Variants in PBX3 observed in about 807,000 individuals in gnomAD.
The protein encoded by PBX3 is pre-B-cell leukemia transcription factor 3.
A neutral mutation model predicts 48.5 loss-of-function variants in PBX3; 14 were observed. The ratio of observed to expected loss-of-function variants is 0.29; its 90% CI spans 0.19 to 0.45. PBX3 has a LOEUF of 0.45. PBX3 is among the 20% of genes least tolerant of loss of function. PBX3 has a pLI of 1.00. For missense variants in PBX3, 386 were observed against 546.7 expected, an observed-to-expected ratio of 0.71 and a Z score of 2.93; for synonymous variants, 210 against 200.3, an observed-to-expected ratio of 1.05 and a Z score of -0.41.
chr9:125,766,580 G>T (rs972973202), intron 2 of PBX3, among the ~76,000 whole-genome samples: 1 of 152,060 alleles, frequency 6.6e-6, no homozygotes, highest in Non-Finnish European at 1.5e-5. Context: ...CTATAGAGTT[G>T]GGAAGGACAT....
At chr9:125,955,785 T>A (rs1469636502) in intron 5 of PBX3, among the ~76,000 whole-genome samples, 1 of 152,232 alleles carries the variant, frequency 6.6e-6, no homozygotes, top group Non-Finnish European at 1.5e-5. Flanking sequence ...CAGCATGAGA[T>A]CATCACCATC....
rs1003385447 is a variant in PBX3, at chr9:125,910,845, A to G, written c.275-4841A>G. ...TTGATGTCTACAAAATAACATGACT[A>G]TTTCTTTCATTACAAGCTTCATCTT... On this transcript the variant is annotated intron_variant, in intron 2 of 8. Coordinates refer to ENST00000373489, the MANE Select transcript of PBX3 (RefSeq NM_006195.6). Among the ~76,000 whole-genome samples, 34 of 151,756 alleles carry G rather than the reference A, an allele frequency of 2.2e-4. 2 individuals are homozygous for G. The highest frequency in any genetic ancestry group is 5.9e-4 in the Admixed American group (9 of 15,180).
chr9:125,759,707 C>T lies in PBX3; in HGVS notation c.274+11084C>T, dbSNP rs189892914. 7.2e-5 allele frequency among the ~76,000 whole-genome samples: 11 copies of T among 152,288 alleles called. No individual in the cohort carries two copies. Among genetic ancestry groups the T allele is most frequent in the Non-Finnish European group, 1.0e-4 (7 of 68,006 alleles). On this transcript the variant is annotated intron_variant, in intron 2 of 8. Coordinates refer to ENST00000373489, the MANE Select transcript of PBX3 (RefSeq NM_006195.6). This position sits in a 1 kb window ranked among gnomAD's most constrained non-coding sequence, Gnocchi z 4.2. Reference sequence around the variant, plus strand: ...GCAGTTTGTGGACCGCGTCTGTGAACGCGGCTCATAATTGTTTTTCACACA... The same window carrying T: ...GCAGTTTGTGGACCGCGTCTGTGAATGCGGCTCATAATTGTTTTTCACACA...
intron 3 of PBX3, among the ~76,000 whole-genome samples, chr9:125,921,638 TG>T (rs1172201706): frequency 6.6e-6 from 1 of 152,162 alleles, no homozygotes; most frequent in Non-Finnish European, 1.5e-5. Flanking sequence ...TTCATCTTTG[TG>T]GTTGTTCCTT....
intron 5 of PBX3, among the ~76,000 whole-genome samples, chr9:125,957,821 C>T (rs967357607): frequency 6.6e-6 from 1 of 152,162 alleles, no homozygotes; most frequent in African/African-American, 2.4e-5. Context: ...CAAGACTATC[C>T]TCCTTTGCAC....
At chr9:125,782,031 A>G (rs1837334720) in intron 2 of PBX3, among the ~76,000 whole-genome samples, 2 of 151,990 alleles carry the variant, frequency 1.3e-5, no homozygotes, top group African/African-American at 4.8e-5. Context: ...GGTGATTATT[A>G]TGGGGATTAC....
chr9:125,823,169 G>T (rs997524119), intron 2 of PBX3, among the ~76,000 whole-genome samples: 1 of 152,144 alleles, frequency 6.6e-6, no homozygotes, highest in Non-Finnish European at 1.5e-5. Flanking sequence ...GGGAAAAGTG[G>T]AGAAACGAAC....
At chr9:125,755,776 C>T (rs1479473851) in intron 2 of PBX3, among the ~76,000 whole-genome samples, 1 of 131,218 alleles carries the variant, frequency 7.6e-6, no homozygotes, top group South Asian at 2.4e-4. Context: ...ATTCTTTTTT[C>T]CCCCTCCTAT....
chr9:125,751,481 G>A (rs1836373415), intron 2 of PBX3, among the ~76,000 whole-genome samples: 1 of 152,052 alleles, frequency 6.6e-6, no homozygotes, highest in African/African-American at 2.4e-5. Context: ...CAGATAAATG[G>A]GTAATCTACT....
chr9:125,904,190 G>A (rs961495156), intron 2 of PBX3, among the ~76,000 whole-genome samples: 1 of 151,664 alleles, frequency 6.6e-6, no homozygotes, highest in African/African-American at 2.4e-5. Flanking sequence ...TTATAGTCTC[G>A]TACTTCATCA....
intron 5 of PBX3, among the ~76,000 whole-genome samples, chr9:125,951,040 TAC>T (rs1392406738): frequency 3.3e-5 from 5 of 152,338 alleles, no homozygotes; most frequent in Middle Eastern, 6.8e-3. Flanking sequence ...TTAGGCAAGT[TAC>T]ATAAACTTTC....
At chr9:125,768,131 GT>G (rs1217266248) in intron 2 of PBX3, among the ~76,000 whole-genome samples, 1 of 151,458 alleles carries the variant, frequency 6.6e-6, no homozygotes, top group Admixed American at 6.6e-5. Context: ...CTTGGGGGTG[GT>G]GGGGGGCAAG....
intron 2 of PBX3, among the ~76,000 whole-genome samples, chr9:125,847,664 AT>A (rs1204960707): frequency 6.7e-6 from 1 of 149,632 alleles, no homozygotes; most frequent in Non-Finnish European, 1.5e-5. Context: ...GATTTTTAAC[AT>A]TTTTTTCTTT....
intron 2 of PBX3, among the ~76,000 whole-genome samples, chr9:125,875,773 T>A (rs1752697397): frequency 6.6e-6 from 1 of 152,208 alleles, no homozygotes; most frequent in South Asian, 2.1e-4. Context: ...TAGTCTGGAA[T>A]TTTTTGCTAT....
chr9:125,806,173 C>T lies in PBX3; in HGVS notation c.274+57550C>T, dbSNP rs116332031. On this transcript the variant is annotated intron_variant, in intron 2 of 8. Transcript: ENST00000373489. The stretch of plus-strand genomic sequence containing the variant: ...ATCTGAAGAAAGTGAAATAGGCATG[C>T]ATATATCCAGGGAAAGGGCACTTCA... 2.4e-3 allele frequency among the ~76,000 whole-genome samples: 366 copies of T among 152,002 alleles called. 2 individuals carry two copies. The highest frequency in any genetic ancestry group is 8.4e-3 in the African/African-American group (348 of 41,438).
In PBX3 at chr9:125,747,715, C is replaced by T. The variant is rs947779824; in HGVS notation, c.200+62C>T. 4 of 1,353,058 alleles carry T rather than the reference C, an allele frequency of 3.0e-6. No homozygotes were observed. The South Asian group carries it at 4.5e-5, about 15-fold the overall frequency. The allele number at this position is 1,353,058 out of a possible 1,614,324, so 83.8% of individuals were successfully genotyped here. A position where few individuals can be genotyped will look rare whatever the true frequency, so the allele number is the denominator to read the frequency against. On this transcript the variant is annotated intron_variant, in intron 1 of 8. Transcript: ENST00000373489. ...GCGGGAGCCGGGCCCGCGGCCGAGT[C>T]GAGGCCCGGGGTGGCGCCCGGGGCT...
chr9:125,846,993 A>G (rs1469837918), intron 2 of PBX3, among the ~76,000 whole-genome samples: 1 of 151,670 alleles, frequency 6.6e-6, no homozygotes, highest in East Asian at 1.9e-4. Context: ...TTGCATCCCC[A>G]TGGTATAGTT....
At chr9:125,747,889 G>A (rs1385304106) in intron 1 of PBX3, among the ~76,000 whole-genome samples, 1 of 151,756 alleles carries the variant, frequency 6.6e-6, no homozygotes, top group South Asian at 2.1e-4. Context: ...CGCGGATTCC[G>A]TGGCGTCCTT....
intron 2 of PBX3, among the ~76,000 whole-genome samples, chr9:125,808,616 T>C (rs936062583): frequency 2.0e-5 from 3 of 152,110 alleles, no homozygotes; most frequent in Admixed American, 1.3e-4. Context: ...CAGTGAGTTA[T>C]GATCATGCTA....
Sources: allele counts gnomAD v4.1 joint callset (sites outside exome capture counted in the v4.1 genomes callset), GRCh38; gene constraint gnomAD v4.1.1; non-coding constraint Gnocchi (gnomAD v3.1); transcripts MANE v1.5; gene names NCBI Gene and HGNC (gene_info 2026-07-23, HGNC 2026-07-21).